MEF2C: variants seen among roughly 807,000 people sequenced by gnomAD.
The protein encoded by MEF2C is myocyte-specific enhancer factor 2C.
A neutral mutation model predicts 50.5 loss-of-function variants in MEF2C; 6 were observed. The ratio of observed to expected loss-of-function variants is 0.12; its 90% CI spans 0.07 to 0.23. The LOEUF is 0.23. Ranked by LOEUF, MEF2C falls within the 10% of genes least tolerant of loss-of-function variation. MEF2C has a pLI of 1.00. For synonymous variants in MEF2C, 183 were observed against 228.0 expected (o/e 0.80, Z 1.78); for missense variants, 276 against 605.0 (o/e 0.46, Z 5.70).
chr5:88,774,166 T>C (rs535134196), intron 3 of MEF2C, among the ~76,000 whole-genome samples: 6 of 151,734 alleles, frequency 4.0e-5, no homozygotes, highest in Admixed American at 2.0e-4. Context: ...GACCTGGAGG[T>C]AGAAGTTGTT....
chr5:88,825,550 T>C (rs1231864394), intron 1 of MEF2C: 1 of 980,466 alleles, frequency 1.0e-6, no homozygotes, highest in Non-Finnish European at 1.2e-6. Context: ...ATTTGACAAA[T>C]ACATATAAAA....
chr5:88,826,269 A>T (rs1810812757), intron 1 of MEF2C, among the ~76,000 whole-genome samples: 1 of 152,088 alleles, frequency 6.6e-6, no homozygotes, highest in Non-Finnish European at 1.5e-5. Context: ...GCCATTGAAT[A>T]TATTTTCTTT....
At chr5:88,854,784 T>C (rs761322731) in intron 1 of MEF2C, among the ~76,000 whole-genome samples, 2 of 152,210 alleles carry the variant, frequency 1.3e-5, no homozygotes, top group Admixed American at 6.5e-5. Flanking sequence ...TACAGTGCTA[T>C]GTGCACATAT....
chr5:88,726,202 G>A (rs1052296230), intron 10 of MEF2C, among the ~76,000 whole-genome samples: 1 of 152,116 alleles, frequency 6.6e-6, no homozygotes, highest in African/African-American at 2.4e-5. Flanking sequence ...GGGCTGCTGG[G>A]AATATCTACT....
rs185621991 is a variant in MEF2C at position 88,740,763 on chromosome 5, T to C, written c.637+8307A>G. 7 of 985,374 alleles carry C rather than the reference T, an allele frequency of 7.1e-6. No homozygotes were observed. In the East Asian group the frequency reaches 5.7e-4, roughly 80 times the overall value. 61.0% of individuals were successfully genotyped at this position (985,374 alleles called of 1,614,324 possible). On this transcript the variant is annotated intron_variant, in intron 6 of 10. Coordinates refer to ENST00000504921, the MANE Select transcript of MEF2C (RefSeq NM_002397.5). ...TTTTAATTGCACCATAAAAATGCTA[T>C]TGAACCACACTATCTTTAAAAAATT... is the stretch of plus-strand genomic sequence containing the variant.
chr5:88,834,011 C>T (rs1157488412), intron 1 of MEF2C, among the ~76,000 whole-genome samples: 1 of 152,118 alleles, frequency 6.6e-6, no homozygotes, highest in Non-Finnish European at 1.5e-5. Flanking sequence ...GCATTCCTCT[C>T]AAAACTATAT....
chr5:88,764,589 C>A (rs1282203070), intron 3 of MEF2C, among the ~76,000 whole-genome samples: 1 of 151,920 alleles, frequency 6.6e-6, no homozygotes, highest in African/African-American at 2.4e-5. Flanking sequence ...GCAGGCCGAT[C>A]ACGAGGTCAG....
At chr5:88,872,101 C>T (rs1287240602) in intron 1 of MEF2C, among the ~76,000 whole-genome samples, 1 of 151,876 alleles carries the variant, frequency 6.6e-6, no homozygotes, top group Non-Finnish European at 1.5e-5. Context: ...TCCATTTCTA[C>T]ATATAATCAA....
intron 5 of MEF2C, 84 bp downstream of exon 5, chr5:88,751,773 A>G (rs1772858807): frequency 1.3e-5 from 18 of 1,412,634 alleles, no homozygotes; most frequent in Non-Finnish European, 1.7e-5. Context: ...ACCAGAAAAC[A>G]TCTCGTAGAT....
chr5:88,856,209 T>C (rs1422892503), intron 1 of MEF2C, among the ~76,000 whole-genome samples: 1 of 152,164 alleles, frequency 6.6e-6, no homozygotes. Flanking sequence ...AACTTTGAAC[T>C]TGAGAGAGAT....
intron 6 of MEF2C, chr5:88,738,925 A>G: frequency 1.0e-6 from 1 of 982,630 alleles, no homozygotes; most frequent in Non-Finnish European, 1.2e-6. Context: ...GCTACACTGA[A>G]CACCAGAGTA....
chr5:88,893,254 G>C (rs1307933380), intron 1 of MEF2C, among the ~76,000 whole-genome samples: 4 of 152,030 alleles, frequency 2.6e-5, no homozygotes, highest in Non-Finnish European at 5.9e-5. Context: ...AGAAGGAAAA[G>C]AGCTACCGCA....
chr5:88,737,462 G>A (rs918334505), intron 6 of MEF2C: 1 of 985,440 alleles, frequency 1.0e-6, no homozygotes. Flanking sequence ...TAATGAAAAT[G>A]AAAAGTTGAA....
chr5:88,764,655 A>C (rs1469546979), intron 3 of MEF2C, among the ~76,000 whole-genome samples: 2 of 151,966 alleles, frequency 1.3e-5, no homozygotes, highest in Non-Finnish European at 2.9e-5. Context: ...AAAAATACAA[A>C]AAATAAGCCA....
intron 3 of MEF2C, among the ~76,000 whole-genome samples, chr5:88,790,296 C>T (rs952685025): frequency 5.9e-5 from 9 of 152,222 alleles, no homozygotes; most frequent in South Asian, 2.1e-4. Flanking sequence ...GACACACTTT[C>T]AAATTCCATG....
intron 6 of MEF2C, chr5:88,736,684 T>C (rs1263271775): frequency 1.0e-6 from 1 of 985,274 alleles, no homozygotes; most frequent in East Asian, 1.1e-4. Context: ...CAAGGAAGTC[T>C]TTCTGAACTG....
At chr5:88,795,523 G>A (rs1200787564) in intron 3 of MEF2C, among the ~76,000 whole-genome samples, 2 of 152,148 alleles carry the variant, frequency 1.3e-5, no homozygotes, top group Non-Finnish European at 2.9e-5. Context: ...TTGCTTATCA[G>A]CTTAAGGAGA....
intron 1 of MEF2C, among the ~76,000 whole-genome samples, chr5:88,858,057 C>T (rs55740951): frequency 0.42 from 63,285 of 152,082 alleles, 13,786 homozygotes; most frequent in East Asian, 0.48. Context: ...ATAAGAATAT[C>T]CAGCAAAGTA....
intron 2 of MEF2C, among the ~76,000 whole-genome samples, chr5:88,816,686 C>T (rs977854906): frequency 4.0e-5 from 6 of 151,250 alleles, no homozygotes; most frequent in Admixed American, 1.3e-4. Context: ...GGCAATAGAC[C>T]CTATAATTCA....
Sources: allele counts gnomAD v4.1 joint callset (sites outside exome capture counted in the v4.1 genomes callset), GRCh38; gene constraint gnomAD v4.1.1; transcripts MANE v1.5; gene names NCBI Gene and HGNC (gene_info 2026-07-23, HGNC 2026-07-21).